NEGR1: variants seen among roughly 807,000 people sequenced by gnomAD.
NEGR1 encodes the protein IgLON family member 4.
A neutral mutation model predicts 40.9 loss-of-function variants in NEGR1; 10 were observed. That is an observed-to-expected ratio of 0.24 (90% CI 0.15 to 0.42). The LOEUF (loss-of-function observed/expected upper bound fraction) is 0.42, where lower values mean the gene tolerates loss of function less well. Among genes scored for constraint, NEGR1 ranks in the 10% least tolerant of loss-of-function variants. The pLI, the probability that NEGR1 is intolerant of heterozygous loss-of-function variation, is 1.00. For synonymous variants in NEGR1, 185 were observed against 166.8 expected, an observed-to-expected ratio of 1.11 and a Z score of -0.84; for missense variants, 352 against 438.9, an observed-to-expected ratio of 0.80 and a Z score of 1.77.
intron 1 of NEGR1, among the ~76,000 whole-genome samples, chr1:72,155,002 GA>G: frequency 6.6e-6 from 1 of 151,944 alleles, no homozygotes; most frequent in Non-Finnish European, 1.5e-5. Context: ...GTCCCCTAGT[GA>G]AAAAAATACA....
intron 6 of NEGR1, among the ~76,000 whole-genome samples, chr1:71,464,678 A>G (rs928358602): frequency 6.6e-6 from 1 of 152,050 alleles, no homozygotes; most frequent in African/African-American, 2.4e-5. Flanking sequence ...CCCCACCATA[A>G]AGCACGGAAA....
chr1:72,090,501 T>C (rs1202834839), intron 1 of NEGR1, among the ~76,000 whole-genome samples: 1 of 152,096 alleles, frequency 6.6e-6, no homozygotes, highest in Non-Finnish European at 1.5e-5. Flanking sequence ...CTAACCCACA[T>C]ATTGACAGAA....
intron 3 of NEGR1, among the ~76,000 whole-genome samples, chr1:71,711,312 C>G (rs958385548): frequency 1.5e-5 from 2 of 131,752 alleles, no homozygotes; most frequent in African/African-American, 5.7e-5. Context: ...CCACTGCACT[C>G]CAGCCTGTGC....
chr1:71,428,285 C>G (rs1319594786), intron 6 of NEGR1, among the ~76,000 whole-genome samples: 2 of 152,158 alleles, frequency 1.3e-5, no homozygotes, highest in Non-Finnish European at 2.9e-5. Context: ...CATATGTGGC[C>G]TGTGGGCTGA....
At chr1:71,951,970 A>G (rs1646074704) in intron 1 of NEGR1, among the ~76,000 whole-genome samples, 1 of 151,874 alleles carries the variant, frequency 6.6e-6, no homozygotes, top group Non-Finnish European at 1.5e-5. Flanking sequence ...TAAGTTAATA[A>G]ATGTTGTCTG....
intron 1 of NEGR1, among the ~76,000 whole-genome samples, chr1:72,131,458 C>T (rs1190738498): frequency 2.6e-5 from 4 of 152,020 alleles, no homozygotes; most frequent in Non-Finnish European, 4.4e-5. Context: ...GGTTTCTAAA[C>T]AAAGAGAAAC....
chr1:72,181,060 G>A (rs945457765), intron 1 of NEGR1, among the ~76,000 whole-genome samples: 5 of 152,122 alleles, frequency 3.3e-5, no homozygotes, highest in African/African-American at 1.2e-4. Flanking sequence ...AGCAATAAAT[G>A]AAGAGGAGGA....
At chr1:71,873,238 G>T (rs1300872539) in intron 2 of NEGR1, among the ~76,000 whole-genome samples, 2 of 150,894 alleles carry the variant, frequency 1.3e-5, no homozygotes, top group Non-Finnish European at 2.9e-5. Context: ...TTGAGTTTTG[G>T]GTTTGGAAAA....
At chr1:71,802,773 A>G (rs1657607259) in intron 2 of NEGR1, among the ~76,000 whole-genome samples, 2 of 152,036 alleles carry the variant, frequency 1.3e-5, no homozygotes, top group African/African-American at 4.8e-5. Flanking sequence ...TTGGAATGGG[A>G]ATGTTTATCT....
At chr1:71,689,138 C>T (rs551751157) in intron 4 of NEGR1, among the ~76,000 whole-genome samples, 1 of 152,212 alleles carries the variant, frequency 6.6e-6, no homozygotes, top group East Asian at 1.9e-4. Context: ...GAAAAGTTTG[C>T]CCAGATTTGC....
intron 1 of NEGR1, among the ~76,000 whole-genome samples, chr1:72,072,555 A>G (rs1188697235): frequency 6.6e-6 from 1 of 152,198 alleles, no homozygotes; most frequent in Non-Finnish European, 1.5e-5. Flanking sequence ...CAGTTTCACA[A>G]ACAAAATCCT....
intron 2 of NEGR1, among the ~76,000 whole-genome samples, chr1:71,871,635 A>G (rs556568956): frequency 6.6e-6 from 1 of 152,302 alleles, no homozygotes; most frequent in South Asian, 2.1e-4. Context: ...AATACATGAC[A>G]AGTTAAGCTG....
chr1:72,056,651 TA>T (rs2100486167), intron 1 of NEGR1, among the ~76,000 whole-genome samples: 1 of 151,678 alleles, frequency 6.6e-6, no homozygotes, highest in East Asian at 1.9e-4. Flanking sequence ...TGCCCATTTA[TA>T]ATATTATTTT....
At chr1:71,754,014 CAT>C (rs1655651774) in intron 3 of NEGR1, among the ~76,000 whole-genome samples, 1 of 152,090 alleles carries the variant, frequency 6.6e-6, no homozygotes, top group Non-Finnish European at 1.5e-5. Flanking sequence ...ATAAAGCACA[CAT>C]GATTTCAGGA....
chr1:71,492,305 A>G (rs1221587994), intron 6 of NEGR1, among the ~76,000 whole-genome samples: 14 of 152,046 alleles, frequency 9.2e-5, no homozygotes, highest in Non-Finnish European at 1.8e-4. Context: ...TCCCTTGGGC[A>G]CGGGATAAAT....
At chr1:71,448,112 A>G (rs1646595308) in intron 6 of NEGR1, among the ~76,000 whole-genome samples, 1 of 152,144 alleles carries the variant, frequency 6.6e-6, no homozygotes, top group Non-Finnish European at 1.5e-5. Context: ...TTTTCTGATC[A>G]TTGAAAGGTT....
intron 1 of NEGR1, among the ~76,000 whole-genome samples, chr1:72,266,335 A>C (rs1357264815): frequency 6.6e-6 from 1 of 150,934 alleles, no homozygotes; most frequent in African/African-American, 2.4e-5. Context: ...ATACACTGTC[A>C]AACTAAACAG....
intron 6 of NEGR1, among the ~76,000 whole-genome samples, chr1:71,524,652 T>G (rs1035254815): frequency 6.6e-6 from 1 of 151,682 alleles, no homozygotes; most frequent in African/African-American, 2.4e-5. Flanking sequence ...GTCTACATTC[T>G]AATTCCCGAA....
chr1:71,928,746 G>T (rs1207709936), intron 2 of NEGR1, among the ~76,000 whole-genome samples: 2 of 151,802 alleles, frequency 1.3e-5, no homozygotes, highest in African/African-American at 2.4e-5. Context: ...ATGTTCTTAG[G>T]CCTAGTTCCA....
Sources: allele counts gnomAD v4.1 joint callset (sites outside exome capture counted in the v4.1 genomes callset), GRCh38; gene constraint gnomAD v4.1.1; transcripts MANE v1.5; gene names NCBI Gene and HGNC (gene_info 2026-07-23, HGNC 2026-07-21).